PXDNL: variants seen among roughly 807,000 people sequenced by gnomAD.
The protein encoded by PXDNL is probable oxidoreductase PXDNL.
Under a neutral mutation model 150.8 loss-of-function variants are expected in PXDNL, and 145 were observed. The observed-to-expected ratio is 0.96, with a 90% confidence interval of 0.84 to 1.10. The LOEUF is 1.10. PXDNL is among the 50% of genes least tolerant of loss of function. PXDNL has a pLI of 0.00. For missense variants in PXDNL, 2,087 were observed against 1,873.9 expected, an observed-to-expected ratio of 1.11 and a Z score of -2.10; for synonymous variants, 757 against 725.7, an observed-to-expected ratio of 1.04 and a Z score of -0.69.
At chr8:51,740,082 T>C (rs759860211) in intron 1 of PXDNL, among the ~76,000 whole-genome samples, 12 of 152,220 alleles carry the variant, frequency 7.9e-5, no homozygotes, top group Non-Finnish European at 1.6e-4. Context: ...ATAATGTTTG[T>C]GGATTTAATA....
At chr8:51,331,590 G>T (rs540401751) in intron 21 of PXDNL, among the ~76,000 whole-genome samples, 108 of 152,154 alleles carry the variant, frequency 7.1e-4, no homozygotes, top group Admixed American at 1.6e-3. Context: ...AAAGCTTCTG[G>T]CAAGTTTTCA....
chr8:51,673,869 AC>A (rs1339972155), intron 1 of PXDNL, among the ~76,000 whole-genome samples: 4 of 152,186 alleles, frequency 2.6e-5, no homozygotes, highest in Non-Finnish European at 4.4e-5. Flanking sequence ...TGTGGGCATA[AC>A]TTTTTTCATA....
intron 17 of PXDNL, among the ~76,000 whole-genome samples, chr8:51,378,586 T>C (rs1807424569): frequency 6.6e-6 from 1 of 152,210 alleles, no homozygotes; most frequent in African/African-American, 2.4e-5. Context: ...CTGTGGAAGA[T>C]TTGTTCTTTT....
Position 51,345,828 on chromosome 8 carries a change from C to A in PXDNL, c.4016+5G>T, listed in dbSNP as rs755859869. ...CCTAAAGAAATGAGATATTTCTATACATACCTACTTCTTAGATGACTTAAC... is the reference window on the plus strand; with the variant it reads ...CCTAAAGAAATGAGATATTTCTATAAATACCTACTTCTTAGATGACTTAAC... On this transcript the variant is annotated splice_donor_5th_base_variant and intron_variant, in intron 20 of 22. Coordinates refer to ENST00000356297, the MANE Select transcript of PXDNL (RefSeq NM_144651.5). 9.7e-6 allele frequency: 15 copies of A among 1,543,904 alleles called. No homozygotes were observed. The highest frequency in any genetic ancestry group is 1.3e-5 in the Non-Finnish European group (14 of 1,116,936).
intron 1 of PXDNL, among the ~76,000 whole-genome samples, chr8:51,786,825 A>G (rs1241169446): frequency 6.6e-6 from 1 of 152,224 alleles, no homozygotes; most frequent in Non-Finnish European, 1.5e-5. Flanking sequence ...AAACAATGCC[A>G]TCTAAGACTT....
intron 4 of PXDNL, among the ~76,000 whole-genome samples, chr8:51,548,758 T>C (rs1404929117): frequency 6.6e-6 from 1 of 151,766 alleles, no homozygotes; most frequent in Non-Finnish European, 1.5e-5. Flanking sequence ...CTATAAAACA[T>C]AACACAGTGG....
chr8:51,357,527 G>C (rs1300383003), intron 19 of PXDNL, among the ~76,000 whole-genome samples: 4 of 152,184 alleles, frequency 2.6e-5, no homozygotes, highest in African/African-American at 4.8e-5. Context: ...AGATGCATTT[G>C]CACATATTTT....
chr8:51,531,876 T>G (rs749573317), intron 4 of PXDNL, among the ~76,000 whole-genome samples: 7 of 152,192 alleles, frequency 4.6e-5, no homozygotes, highest in Non-Finnish European at 1.0e-4. Flanking sequence ...ATTGCCAAAC[T>G]CCAATCATAA....
At chr8:51,636,042 T>A (rs903607929) in intron 2 of PXDNL, among the ~76,000 whole-genome samples, 3 of 152,126 alleles carry the variant, frequency 2.0e-5, no homozygotes, top group Admixed American at 2.0e-4. Context: ...CAAGGATAGT[T>A]TAACATAAGA....
chr8:51,744,144 G>T (rs2036946182), intron 1 of PXDNL, among the ~76,000 whole-genome samples: 2 of 138,220 alleles, frequency 1.4e-5, no homozygotes, highest in African/African-American at 5.4e-5. Flanking sequence ...AAGGAAGGAA[G>T]AAGGGAGGGA....
intron 1 of PXDNL, among the ~76,000 whole-genome samples, chr8:51,735,257 G>A (rs1817008164): frequency 6.6e-6 from 1 of 151,964 alleles, no homozygotes; most frequent in African/African-American, 2.4e-5. Context: ...GAGGTGAGTG[G>A]ATCACTTGAG....
At chr8:51,764,559 CATT>C (rs59501547) in intron 1 of PXDNL, among the ~76,000 whole-genome samples, 21,627 of 151,836 alleles carry the variant, frequency 0.14, 2,803 homozygotes, top group African/African-American at 0.34. Flanking sequence ...TTCTCTGAAT[CATT>C]GTTTATTTAG....
intron 1 of PXDNL, among the ~76,000 whole-genome samples, chr8:51,780,211 TA>T (rs982675626): frequency 1.3e-5 from 2 of 150,684 alleles, no homozygotes; most frequent in African/African-American, 2.4e-5. Context: ...AACTCTGTCT[TA>T]AAAAAAAAGA....
intron 10 of PXDNL, 103 bp from the exon 11 acceptor site, chr8:51,449,221 T>TC: frequency 1.5e-6 from 1 of 654,394 alleles, no homozygotes; most frequent in Non-Finnish European, 2.7e-6. Flanking sequence ...TGATCAGAAT[T>TC]TGTTTACAAT....
At chr8:51,479,818 TA>T (rs1347462078) in intron 6 of PXDNL, among the ~76,000 whole-genome samples, 1 of 152,156 alleles carries the variant, frequency 6.6e-6, no homozygotes, top group Non-Finnish European at 1.5e-5. Flanking sequence ...ACCACTATGT[TA>T]TATATCCATG....
intron 6 of PXDNL, among the ~76,000 whole-genome samples, chr8:51,479,698 C>T (rs1214661362): frequency 1.3e-5 from 2 of 151,998 alleles, no homozygotes; most frequent in Non-Finnish European, 2.9e-5. Flanking sequence ...ATAATAGACA[C>T]TGGACACTCA....
In PXDNL at chr8:51,436,200, A is replaced by T. The variant is rs569392468; in HGVS notation, c.1526-9442T>A. ...CACCGTGGTATCATCCCAAAAGCCAACCATTCGTGGGCCATGTGTTGACTT... is the reference window on the plus strand; with the variant it reads ...CACCGTGGTATCATCCCAAAAGCCATCCATTCGTGGGCCATGTGTTGACTT... On this transcript the variant is annotated intron_variant, in intron 12 of 22. Transcript: ENST00000356297. The T allele has an allele frequency of 5.7e-6, 3 of 522,296 alleles. No homozygotes were observed. The Admixed American group carries it at 6.0e-5, about 10-fold the overall frequency. 32.4% of individuals were successfully genotyped at this position (522,296 alleles called of 1,614,324 possible).
chr8:51,540,169 G>T (rs916924172), intron 4 of PXDNL, among the ~76,000 whole-genome samples: 2 of 151,968 alleles, frequency 1.3e-5, no homozygotes, highest in Non-Finnish European at 2.9e-5. Flanking sequence ...AAGTGCTGGG[G>T]TTACTGGTGT....
At chr8:51,712,937 A>G (rs1349816100) in intron 1 of PXDNL, among the ~76,000 whole-genome samples, 1 of 152,218 alleles carries the variant, frequency 6.6e-6, no homozygotes. Flanking sequence ...TTATGCAACA[A>G]TAAACCATAG....
Sources: allele counts gnomAD v4.1 joint callset (sites outside exome capture counted in the v4.1 genomes callset), GRCh38; gene constraint gnomAD v4.1.1; transcripts MANE v1.5; gene names NCBI Gene and HGNC (gene_info 2026-07-23, HGNC 2026-07-21).